MAN2A1: variants seen among roughly 807,000 people sequenced by gnomAD.
MAN2A1 encodes the protein mannosidase alpha class 2A member 1.
MAN2A1 carries 76 observed loss-of-function variants against 142.6 expected under a neutral mutation model. The observed-to-expected ratio is 0.53, with a 90% CI of 0.44 to 0.65. The LOEUF is 0.65. MAN2A1 is among the 30% of genes least tolerant of loss of function. The probability of loss-of-function intolerance (pLI) is 0.00; values close to 1 mark genes in which losing one functional copy is unlikely to be tolerated. For missense variants in MAN2A1, 1,311 were observed against 1,365.1 expected (o/e 0.96, Z 0.62); for synonymous variants, 559 against 473.2 (o/e 1.18, Z -2.35).
intron 10 of MAN2A1, among the ~76,000 whole-genome samples, chr5:109,788,691 T>C (rs1753660654): frequency 6.6e-6 from 1 of 151,818 alleles, no homozygotes; most frequent in South Asian, 2.1e-4. Flanking sequence ...ATAGTTTGAT[T>C]ATGTTTATGT....
intron 12 of MAN2A1, among the ~76,000 whole-genome samples, chr5:109,794,746 T>C (rs1267794959): frequency 3.9e-5 from 6 of 152,040 alleles, no homozygotes; most frequent in Non-Finnish European, 5.9e-5. Context: ...GTACAGTGTA[T>C]TTATGAATTT....
chr5:109,726,519 G>C (rs1486849087), intron 3 of MAN2A1, among the ~76,000 whole-genome samples: 1 of 152,118 alleles, frequency 6.6e-6, no homozygotes, highest in Non-Finnish European at 1.5e-5. Context: ...CTCTGAGCTT[G>C]TATTTTGGCT....
intron 12 of MAN2A1, among the ~76,000 whole-genome samples, chr5:109,809,895 C>T (rs968216736): frequency 2.0e-5 from 3 of 152,018 alleles, no homozygotes; most frequent in East Asian, 1.9e-4. Flanking sequence ...GTGTCCCTAA[C>T]GTTCTTTTCT....
intron 16 of MAN2A1, among the ~76,000 whole-genome samples, chr5:109,831,513 A>G (rs899969449): frequency 1.3e-5 from 2 of 152,208 alleles, no homozygotes; most frequent in African/African-American, 4.8e-5. Flanking sequence ...ATATTTTTTA[A>G]TTGACTTGAA....
chr5:109,785,288 C>A (rs1311112727), intron 10 of MAN2A1, among the ~76,000 whole-genome samples: 1 of 151,696 alleles, frequency 6.6e-6, no homozygotes, highest in Non-Finnish European at 1.5e-5. Flanking sequence ...GATAAAGATT[C>A]CTACTTCATT....
intron 4 of MAN2A1, 134 bp downstream of exon 4, chr5:109,729,647 T>C: frequency 2.0e-6 from 1 of 504,874 alleles, no homozygotes; most frequent in Non-Finnish European, 3.3e-6. Context: ...ACATACCGTT[T>C]TCGTTGATTT....
intron 16 of MAN2A1, among the ~76,000 whole-genome samples, chr5:109,828,670 G>A (rs1754825489): frequency 1.3e-5 from 2 of 152,306 alleles, no homozygotes; most frequent in African/African-American, 2.4e-5. Flanking sequence ...GTATGTATGT[G>A]TGTGTAAACC....
chr5:109,741,928 T>G (rs1752279359), intron 4 of MAN2A1, among the ~76,000 whole-genome samples: 1 of 152,258 alleles, frequency 6.6e-6, no homozygotes, highest in South Asian at 2.1e-4. Flanking sequence ...ATCAGTGTAT[T>G]GTTTTCTATG....
intron 10 of MAN2A1, among the ~76,000 whole-genome samples, chr5:109,786,671 A>G (rs902291314): frequency 1.3e-5 from 2 of 152,096 alleles, no homozygotes; most frequent in African/African-American, 4.8e-5. Flanking sequence ...TTAAGGAGGA[A>G]ATTTCAAAAC....
At chr5:109,866,672 TATATATGTATATTTAATAAC>T (rs909371672) in intron 21 of MAN2A1, among the ~76,000 whole-genome samples, 154 bp from the exon 22 acceptor site, 46 of 152,296 alleles carry the variant, frequency 3.0e-4, no homozygotes, top group African/African-American at 1.1e-3. Context: ...AAAGAGAACT[TATATATGTATATTTAATAAC>T]ATATATGTAT....
chr5:109,850,534 TAAATC>T (rs1395364434), intron 19 of MAN2A1, among the ~76,000 whole-genome samples: 1 of 152,236 alleles, frequency 6.6e-6, no homozygotes, highest in Non-Finnish European at 1.5e-5. Context: ...ACTCATATTT[TAAATC>T]AATCACTGAC....
intron 19 of MAN2A1, among the ~76,000 whole-genome samples, chr5:109,850,667 AC>A (rs1163646901): frequency 6.6e-6 from 1 of 152,204 alleles, no homozygotes; most frequent in Non-Finnish European, 1.5e-5. Flanking sequence ...TTATATTGAC[AC>A]TAATCTATAA....
intron 12 of MAN2A1, among the ~76,000 whole-genome samples, chr5:109,809,952 T>C (rs1278835320): frequency 1.3e-5 from 2 of 152,182 alleles, no homozygotes; most frequent in Non-Finnish European, 2.9e-5. Flanking sequence ...ATGTTTTTTA[T>C]TGACTTCTCT....
chr5:109,761,925 T>G (rs1336422527), intron 5 of MAN2A1, among the ~76,000 whole-genome samples: 5 of 152,100 alleles, frequency 3.3e-5, no homozygotes, highest in African/African-American at 1.2e-4. Context: ...GAGTATAAAG[T>G]AAGAATTGTA....
In MAN2A1 at chr5:109,747,216, C is replaced by T. The variant is rs936541803; in HGVS notation, c.708-8113C>T. On this transcript the variant is annotated intron_variant, in intron 4 of 21. Coordinates refer to ENST00000261483, the MANE Select transcript of MAN2A1 (RefSeq NM_002372.4). ...ATTCTATGTTTAATTTTTTTTTAAT[C>T]ACTGTCATTTAGGTGTATTTTTTTG... 2.0e-5 allele frequency among the ~76,000 whole-genome samples: 3 copies of T among 152,012 alleles called. No individual in the cohort carries two copies. In the South Asian group the frequency reaches 6.2e-4, roughly 32 times the overall value.
intron 19 of MAN2A1, chr5:109,854,630 A>G (rs769065426): frequency 1.3e-5 from 2 of 152,192 alleles, no homozygotes; most frequent in Non-Finnish European, 2.9e-5. Context: ...GTCATTGGGT[A>G]ACATTTAGTT....
intron 1 of MAN2A1, among the ~76,000 whole-genome samples, chr5:109,691,133 C>G (rs1378107838): frequency 6.6e-6 from 1 of 152,066 alleles, no homozygotes; most frequent in African/African-American, 2.4e-5. Context: ...GCTATTACAT[C>G]TGGTTTGTTT....
chr5:109,729,638 C>T (rs1751844448), intron 4 of MAN2A1, 125 bp downstream of exon 4: 2 of 532,634 alleles, frequency 3.8e-6, no homozygotes, highest in Non-Finnish European at 6.2e-6. Context: ...TATTTCTTCA[C>T]ATACCGTTTT....
intron 6 of MAN2A1, among the ~76,000 whole-genome samples, 157 bp downstream of exon 6, chr5:109,767,865 G>A (rs17162179): frequency 6.6e-6 from 1 of 151,910 alleles, no homozygotes; most frequent in Non-Finnish European, 1.5e-5. Flanking sequence ...CCATGTGCCT[G>A]TGTCAAGATT....
Sources: gnomAD v4.1 joint callset for allele counts (sites outside exome capture counted in the v4.1 genomes callset) on GRCh38, gnomAD v4.1.1 for gene constraint, MANE v1.5 for transcripts, NCBI Gene and HGNC (gene_info 2026-07-23, HGNC 2026-07-21) for gene names.